Variants in SEMA4F observed in about 807,000 individuals in gnomAD.
SEMA4F encodes ssemaphorin 4F, also known as semaphorin-4F.
SEMA4F carries 51 observed loss-of-function variants against 78.4 expected under a neutral mutation model. That is an observed-to-expected ratio of 0.65 (90% confidence interval 0.52 to 0.82). SEMA4F has a LOEUF of 0.82. Ranked by LOEUF, SEMA4F falls within the 40% of genes least tolerant of loss-of-function variation. The pLI is 0.00. For synonymous variants in SEMA4F, 418 were observed against 408.7 expected, an observed-to-expected ratio of 1.02 and a Z score of -0.27; for missense variants, 938 against 1,014.4, an observed-to-expected ratio of 0.92 and a Z score of 1.02.
chr2:74,669,450 G>C (rs986939516), intron 5 of SEMA4F, among the ~76,000 whole-genome samples: 4 of 150,608 alleles, frequency 2.7e-5, no homozygotes, highest in African/African-American at 9.7e-5. Flanking sequence ...TGGGTGTGGT[G>C]GGGGGGTGCC....
At chr2:74,677,450 T>A (rs1231751634) in intron 12 of SEMA4F, among the ~76,000 whole-genome samples, 1 of 152,188 alleles carries the variant, frequency 6.6e-6, no homozygotes, top group Non-Finnish European at 1.5e-5. Context: ...AAAAACCATA[T>A]TACCATTATC....
chr2:74,674,741 G>A, intron 8 of SEMA4F, 65 bp downstream of exon 8: 2 of 1,580,868 alleles, frequency 1.3e-6, no homozygotes, highest in South Asian at 1.2e-5. Context: ...CACAATGTCA[G>A]TGTTGTCTCT....
intron 4 of SEMA4F, among the ~76,000 whole-genome samples, chr2:74,661,145 T>C (rs1353211691): frequency 6.6e-6 from 1 of 152,178 alleles, no homozygotes; most frequent in Non-Finnish European, 1.5e-5. Flanking sequence ...GAATGAGAAC[T>C]GAGAAAAAGT....
chr2:74,706,203 G>A, the SEMA4F span, among the ~76,000 whole-genome samples: 2 of 152,116 alleles, frequency 1.3e-5, no homozygotes, highest in Admixed American at 1.3e-4. Context: ...GGGATATTAT[G>A]TTTCCAGTTT....
chr2:74,680,424 G>T lies in SEMA4F; in HGVS notation c.*215G>T. 2.0e-6 allele frequency: 1 copy of T among 509,400 alleles called. No homozygotes were observed. Among genetic ancestry groups the T allele is most frequent in the Non-Finnish European group, 3.4e-6 (1 of 296,658 alleles). 31.6% of individuals were successfully genotyped at this position (509,400 alleles called of 1,614,324 possible). A position where few individuals can be genotyped will look rare whatever the true frequency, so the allele number is the denominator to read the frequency against. Reference sequence around the variant, plus strand: ...CTGATTCCCATGAGAAATCAGAACTGCTTTCTGCAGCAAATCAGGGCTTCC... The same window carrying T: ...CTGATTCCCATGAGAAATCAGAACTTCTTTCTGCAGCAAATCAGGGCTTCC... On this transcript the variant is annotated 3_prime_UTR_variant, in exon 14 of 14. Coordinates refer to ENST00000357877, the MANE Select transcript of SEMA4F (RefSeq NM_004263.5).
the SEMA4F span, among the ~76,000 whole-genome samples, chr2:74,699,004 G>A: frequency 7.2e-5 from 11 of 151,826 alleles, no homozygotes; most frequent in Non-Finnish European, 1.2e-4. Flanking sequence ...TGTAGAGACG[G>A]TGTCTCACCA....
chr2:74,656,609 C>T lies in SEMA4F; in HGVS notation c.221C>T (p.Ser74Phe). 2 of 1,614,196 alleles carry T rather than the reference C, an allele frequency of 1.2e-6. No individual in the cohort carries two copies. Among genetic ancestry groups the T allele is most frequent in the Non-Finnish European group, 1.7e-6 (2 of 1,180,026 alleles). ...NYSVLLVDPASHTLYVGARDT... is the reference protein window; with the variant it reads ...NYSVLLVDPAFHTLYVGARDT... ...TCTGTTCTCCTTGTGGATCCTGCCTCCCACACACTTTATGTTGGCGCCCGG... is the reference window on the plus strand; with the variant it reads ...TCTGTTCTCCTTGTGGATCCTGCCTTCCACACACTTTATGTTGGCGCCCGG... Residue 74 changes from serine to phenylalanine, a missense_variant, in exon 2 of 14, where the codon TCC becomes TTC. Coordinates refer to ENST00000357877, the MANE Select transcript of SEMA4F (RefSeq NM_004263.5).
At chr2:74,656,437 C>T in intron 1 of SEMA4F, 97 bp from the exon 2 acceptor site, 1 of 1,262,554 alleles carries the variant, frequency 7.9e-7, no homozygotes, top group Non-Finnish European at 1.1e-6. Context: ...ATAAATGGTA[C>T]TTGGAAGAAA....
Position 74,674,563 on chromosome 2 carries a change from C to T in SEMA4F, c.888C>T (p.Leu296=), listed in dbSNP as rs1171526347. The part of the protein sequence containing the change: ...RWTTFLKADL[L]CPGPEHGRAS... Reference sequence around the variant, plus strand: ...CGACGTTTTTGAAAGCTGACCTGCTCTGTCCAGGGCCTGAGCATGGCCGGG... The same window carrying T: ...CGACGTTTTTGAAAGCTGACCTGCTTTGTCCAGGGCCTGAGCATGGCCGGG... The change falls in exon 8 of 14, where the codon CTC becomes CTT. Residue 296 remains leucine (L), a synonymous_variant. Transcript: ENST00000357877. 6.2e-7 allele frequency: 1 copy of T among 1,614,030 alleles called. No homozygotes were observed. The highest frequency in any genetic ancestry group is 8.5e-7 in the Non-Finnish European group (1 of 1,180,030).
the SEMA4F span, among the ~76,000 whole-genome samples, chr2:74,698,134 C>T: frequency 4.4e-4 from 67 of 152,266 alleles, 1 homozygote; most frequent in African/African-American, 1.4e-3. Flanking sequence ...TAGATTTCCC[C>T]AAAGAAGAAC....
the SEMA4F span, among the ~76,000 whole-genome samples, chr2:74,707,046 G>C: frequency 2.6e-5 from 4 of 151,366 alleles, no homozygotes; most frequent in South Asian, 8.3e-4. Context: ...AGTCATATGG[G>C]TTATATTTTA....
At chr2:74,692,480 CCTGGCATTTGGAGGCTTCAGA>C in the SEMA4F span, among the ~76,000 whole-genome samples, 6 of 152,196 alleles carry the variant, frequency 3.9e-5, no homozygotes, top group Non-Finnish European at 7.4e-5. Flanking sequence ...GGCTGAGAAG[CCTGGCATTTGGAGGCTTCAGA>C]CTGCCACAGG....
chr2:74,656,151 G>A (rs972820964), intron 1 of SEMA4F, among the ~76,000 whole-genome samples: 3 of 151,876 alleles, frequency 2.0e-5, no homozygotes, highest in Admixed American at 2.0e-4. Context: ...TGGGATTACA[G>A]GTGCGCGCCA....
downstream of SEMA4F, among the ~76,000 whole-genome samples, chr2:74,686,661 A>G (rs1279201993): frequency 2.0e-5 from 3 of 152,238 alleles, no homozygotes; most frequent in Non-Finnish European, 4.4e-5. Context: ...GGATTAAGAA[A>G]ATGTGGCACA....
At chr2:74,686,520 A>G (rs1685825375), downstream of SEMA4F, among the ~76,000 whole-genome samples, 1 of 152,200 alleles carries the variant, frequency 6.6e-6, no homozygotes, top group Admixed American at 6.5e-5. Context: ...CAGCCATCCC[A>G]TTACTGGGTA....
At chr2:74,667,877 T>C (rs1684775820) in intron 5 of SEMA4F, among the ~76,000 whole-genome samples, 2 of 152,208 alleles carry the variant, frequency 1.3e-5, no homozygotes, top group Admixed American at 1.3e-4. Flanking sequence ...TCCACTGCAT[T>C]CTGATGGCTC....
chr2:74,654,355 C>T lies in SEMA4F; in HGVS notation c.-22C>T, dbSNP rs902099262. 23 of 1,469,386 alleles carry T rather than the reference C, an allele frequency of 1.6e-5. No homozygotes were observed. The highest frequency in any genetic ancestry group is 4.4e-5 in the African/African-American group (3 of 67,756). 91.0% of individuals were successfully genotyped at this position (1,469,386 alleles called of 1,614,324 possible). On this transcript the variant is annotated 5_prime_UTR_variant, in exon 1 of 14. Coordinates refer to ENST00000357877, the MANE Select transcript of SEMA4F (RefSeq NM_004263.5). ...GCAGAGGCCGTAGCTTGCGCCGCACCCGCGGCCAGGCGGAGCCAAAGATGC... is the reference window on the plus strand; with the variant it reads ...GCAGAGGCCGTAGCTTGCGCCGCACTCGCGGCCAGGCGGAGCCAAAGATGC...
At chr2:74,687,649 TC>T (rs1685849338), downstream of SEMA4F, among the ~76,000 whole-genome samples, 1 of 152,204 alleles carries the variant, frequency 6.6e-6, no homozygotes, top group African/African-American at 2.4e-5. Flanking sequence ...TGGTCAGTAC[TC>T]CTGTAGGAGG....
the SEMA4F span, among the ~76,000 whole-genome samples, chr2:74,698,612 A>G: frequency 6.6e-6 from 1 of 152,210 alleles, no homozygotes; most frequent in Non-Finnish European, 1.5e-5. Flanking sequence ...GTTTGTTGAA[A>G]CAGAACCTTA....
Sources: gnomAD v4.1 joint callset for allele counts (sites outside exome capture counted in the v4.1 genomes callset) on GRCh38, gnomAD v4.1.1 for gene constraint, MANE v1.5 for transcripts, NCBI Gene and HGNC (gene_info 2026-07-23, HGNC 2026-07-21) for gene names.